MACROD2: variants seen among roughly 807,000 people sequenced by gnomAD.
MACROD2 encodes mono-ADP ribosylhydrolase 2.
A neutral mutation model predicts 70.4 loss-of-function variants in MACROD2; 36 were observed. That is an observed-to-expected ratio of 0.51 (90% confidence interval 0.39 to 0.68). The LOEUF is 0.68. MACROD2 is among the 30% of genes least tolerant of loss of function. MACROD2 has a pLI of 0.00. For missense variants in MACROD2, 496 were observed against 538.4 expected (o/e 0.92, Z 0.78); for synonymous variants, 172 against 178.8 (o/e 0.96, Z 0.30).
intron 4 of MACROD2, among the ~76,000 whole-genome samples, chr20:14,546,425 C>T (rs2123247083): frequency 6.6e-6 from 1 of 152,220 alleles, no homozygotes; most frequent in Non-Finnish European, 1.5e-5. Context: ...TGATATTTTG[C>T]TACTGTTCAT....
At chr20:14,757,444 G>A (rs534221071) in intron 5 of MACROD2, 1 of 441,498 alleles carries the variant, frequency 2.3e-6, no homozygotes, top group Non-Finnish European at 4.1e-6. Flanking sequence ...AGATTAAAAA[G>A]TACAACTTTG....
At chr20:14,962,711 CTTT>C (rs975648017) in intron 5 of MACROD2, among the ~76,000 whole-genome samples, 1 of 151,466 alleles carries the variant, frequency 6.6e-6, no homozygotes, top group Non-Finnish European at 1.5e-5. Context: ...TTATTCTCTT[CTTT>C]TTTTTCTTTT....
intron 8 of MACROD2, among the ~76,000 whole-genome samples, chr20:15,558,344 A>G (rs1389660497): frequency 1.3e-5 from 2 of 152,238 alleles, no homozygotes; most frequent in African/African-American, 4.8e-5. Context: ...GAGCCACCCC[A>G]GCACCTTCCC....
intron 3 of MACROD2, among the ~76,000 whole-genome samples, chr20:14,158,286 T>C (rs2055133288): frequency 6.6e-6 from 1 of 152,194 alleles, no homozygotes; most frequent in Non-Finnish European, 1.5e-5. Flanking sequence ...TTTGTGTTTC[T>C]CAAACTATTG....
intron 5 of MACROD2, among the ~76,000 whole-genome samples, chr20:14,840,645 A>T (rs1015707200): frequency 5.3e-5 from 8 of 152,110 alleles, no homozygotes; most frequent in African/African-American, 1.7e-4. Flanking sequence ...ACATACATTA[A>T]AACTAAAAGA....
chr20:14,778,212 T>C (rs747362814), intron 5 of MACROD2, among the ~76,000 whole-genome samples: 17 of 152,090 alleles, frequency 1.1e-4, no homozygotes, highest in Non-Finnish European at 2.4e-4. Flanking sequence ...AGGGAAGTAG[T>C]ATGATTTGGC....
At chr20:15,052,109 C>A (rs1225737654) in intron 5 of MACROD2, among the ~76,000 whole-genome samples, 1 of 152,128 alleles carries the variant, frequency 6.6e-6, no homozygotes, top group African/African-American at 2.4e-5. Flanking sequence ...TGACTGAGTT[C>A]CTTCTCTGTG....
chr20:15,868,323 A>T (rs2064522348), intron 9 of MACROD2, among the ~76,000 whole-genome samples: 1 of 152,144 alleles, frequency 6.6e-6, no homozygotes, highest in Admixed American at 6.5e-5. Context: ...CTGTACCCAC[A>T]GATTTCTATA....
intron 2 of MACROD2, among the ~76,000 whole-genome samples, chr20:14,022,676 T>A (rs186561124): frequency 6.6e-6 from 1 of 152,170 alleles, no homozygotes; most frequent in Non-Finnish European, 1.5e-5. Context: ...CTTCCACTTA[T>A]GAGTGAGAAC....
chr20:15,210,429 GGC>G (rs2145945836), intron 5 of MACROD2, among the ~76,000 whole-genome samples: 1 of 152,088 alleles, frequency 6.6e-6, no homozygotes, highest in South Asian at 2.1e-4. Context: ...GCATATTCTG[GGC>G]ACAGTCAATA....
At chr20:15,637,329 T>C (rs1417156425) in intron 8 of MACROD2, among the ~76,000 whole-genome samples, 1 of 152,234 alleles carries the variant, frequency 6.6e-6, no homozygotes, top group African/African-American at 2.4e-5. Flanking sequence ...TAAAGTGAAT[T>C]GAGCTTCTTA....
chr20:15,037,651 T>C (rs2075323759), intron 5 of MACROD2, among the ~76,000 whole-genome samples: 1 of 152,002 alleles, frequency 6.6e-6, no homozygotes, highest in East Asian at 1.9e-4. Context: ...CACTACCTCA[T>C]GCCTTTACTT....
chr20:15,300,025 C>T (rs1017909157), intron 6 of MACROD2, among the ~76,000 whole-genome samples: 1 of 152,158 alleles, frequency 6.6e-6, no homozygotes, highest in Non-Finnish European at 1.5e-5. Flanking sequence ...TTATGGTTCC[C>T]TATTCACTTG....
At position 14,417,649 on chromosome 20, in the gene MACROD2, A is replaced by G. The variant is rs141392843; in HGVS notation, c.272-75830A>G. On this transcript the variant is annotated intron_variant, in intron 3 of 17. Coordinates refer to ENST00000684519, the MANE Select transcript of MACROD2 (RefSeq NM_001351661.2). ...CATTTTTGTGTAGGATATTAGACAAAATATTTTTATGAAAGACCTTGAAGT... is the reference window on the plus strand; with the variant it reads ...CATTTTTGTGTAGGATATTAGACAAGATATTTTTATGAAAGACCTTGAAGT... 3.2e-3 allele frequency among the ~76,000 whole-genome samples: 491 copies of G among 152,324 alleles called. 5 individuals are homozygous for G. The highest frequency in any genetic ancestry group is 0.011 in the African/African-American group (467 of 41,570).
intron 3 of MACROD2, among the ~76,000 whole-genome samples, chr20:14,295,576 G>T (rs1368883259): frequency 6.6e-6 from 1 of 151,740 alleles, no homozygotes; most frequent in Non-Finnish European, 1.5e-5. Flanking sequence ...GGGGGGGCTG[G>T]GGGGAGTGGT....
chr20:16,033,340 C>T (rs930395801), intron 15 of MACROD2, among the ~76,000 whole-genome samples: 1 of 152,102 alleles, frequency 6.6e-6, no homozygotes, highest in African/African-American at 2.4e-5. Context: ...GCTTTCTCCT[C>T]TGAGATTTAA....
At chr20:14,292,375 G>C (rs946765460) in intron 3 of MACROD2, among the ~76,000 whole-genome samples, 2 of 151,884 alleles carry the variant, frequency 1.3e-5, no homozygotes, top group African/African-American at 2.4e-5. Flanking sequence ...CAGCTAGTGG[G>C]TAGAGGCCAA....
At chr20:15,290,776 T>C (rs900981104) in intron 6 of MACROD2, among the ~76,000 whole-genome samples, 2 of 152,204 alleles carry the variant, frequency 1.3e-5, no homozygotes, top group Non-Finnish European at 2.9e-5. Flanking sequence ...AGGAAGGAGC[T>C]GTTATTTGAG....
chr20:14,047,020 AC>A (rs2053487701), intron 2 of MACROD2, among the ~76,000 whole-genome samples: 1 of 152,296 alleles, frequency 6.6e-6, no homozygotes, highest in East Asian at 1.9e-4. Flanking sequence ...TTAAATGAAT[AC>A]CCTTACAAAT....
Sources: allele counts gnomAD v4.1 joint callset (sites outside exome capture counted in the v4.1 genomes callset), GRCh38; gene constraint gnomAD v4.1.1; transcripts MANE v1.5; gene names NCBI Gene and HGNC (gene_info 2026-07-23, HGNC 2026-07-21).